The following PTPRD variants were observed in gnomAD, a reference collection of about 807,000 sequenced individuals.
PTPRD encodes the protein protein tyrosine phosphatase receptor type D.
PTPRD carries 34 observed loss-of-function variants against 214.5 expected under a neutral mutation model. The ratio of observed to expected loss-of-function variants is 0.16; its 90% CI spans 0.12 to 0.21. PTPRD has a LOEUF of 0.21. PTPRD is among the 10% of genes least tolerant of loss of function. The probability of loss-of-function intolerance (pLI) is 1.00; values close to 1 mark genes in which losing one functional copy is unlikely to be tolerated. For synonymous variants in PTPRD, 1,128 were observed against 845.7 expected (o/e 1.33, Z -5.79); for missense variants, 2,545 against 2,398.7 (o/e 1.06, Z -1.27).
Position 9,328,212 on chromosome 9 carries a change from G to A in PTPRD, c.-203+69237C>T, listed in dbSNP as rs953934197. ...ACTTATATTTAATATTCTATTTACC[G>A]GAGCTAATAGTAAACAGGGAGAATG... On this transcript the variant is annotated intron_variant, in intron 9 of 45. Coordinates refer to ENST00000381196, the MANE Select transcript of PTPRD (RefSeq NM_002839.4). Among the ~76,000 whole-genome samples the A allele has an allele frequency of 8.5e-5, 13 of 152,132 alleles. 1 individual carries two copies. The highest frequency in any genetic ancestry group is 3.9e-4 in the East Asian group (2 of 5,178).
intron 8 of PTPRD, among the ~76,000 whole-genome samples, chr9:9,436,034 A>G (rs760716000): frequency 1.1e-4 from 16 of 151,934 alleles, no homozygotes; most frequent in Non-Finnish European, 1.9e-4. Context: ...CCTCACCTCT[A>G]CTTCTGCTCT....
chr9:9,458,898 C>G (rs894396516), intron 8 of PTPRD, among the ~76,000 whole-genome samples: 3 of 152,040 alleles, frequency 2.0e-5, no homozygotes, highest in Admixed American at 6.6e-5. Context: ...TAAGATTGCA[C>G]CACCGCAATC....
chr9:10,097,806 T>A (rs918227600), intron 3 of PTPRD, among the ~76,000 whole-genome samples: 2 of 151,852 alleles, frequency 1.3e-5, no homozygotes, highest in African/African-American at 2.4e-5. Context: ...AGGGCATCCC[T>A]GTGTTGTGCC....
intron 10 of PTPRD, among the ~76,000 whole-genome samples, chr9:9,060,527 T>C (rs561680387): frequency 1.5e-4 from 23 of 152,124 alleles, no homozygotes; most frequent in Non-Finnish European, 3.1e-4. Flanking sequence ...TGTAGTAATA[T>C]GAACTTCTGT....
At chr9:10,028,796 ATC>A (rs1184993019) in intron 4 of PTPRD, among the ~76,000 whole-genome samples, 1 of 152,206 alleles carries the variant, frequency 6.6e-6, no homozygotes, top group Non-Finnish European at 1.5e-5. Context: ...ATAAAAGAAA[ATC>A]CCATTTTCGA....
chr9:8,821,790 G>C (rs1023440801), intron 11 of PTPRD, among the ~76,000 whole-genome samples: 2 of 152,112 alleles, frequency 1.3e-5, no homozygotes, highest in African/African-American at 4.8e-5. Flanking sequence ...TCAGCCTCCC[G>C]AGTAGCTGGG....
At chr9:8,648,744 G>A (rs1437928897) in intron 12 of PTPRD, among the ~76,000 whole-genome samples, 2 of 152,170 alleles carry the variant, frequency 1.3e-5, no homozygotes, top group Admixed American at 1.3e-4. Flanking sequence ...ATGCTTATCA[G>A]CTTTTTTCAT....
chr9:8,619,103 A>G (rs952917277), intron 14 of PTPRD, among the ~76,000 whole-genome samples: 1 of 151,686 alleles, frequency 6.6e-6, no homozygotes, highest in East Asian at 1.9e-4. Flanking sequence ...TATTTACCAC[A>G]TACAAAATGA....
chr9:8,437,518 C>T (rs1419800304), intron 34 of PTPRD, among the ~76,000 whole-genome samples: 1 of 152,162 alleles, frequency 6.6e-6, no homozygotes, highest in African/African-American at 2.4e-5. Flanking sequence ...CACAATCAGA[C>T]ACCAAACTGA....
At position 9,148,584 on chromosome 9, in the gene PTPRD, C is replaced by G. The variant is rs377731170; in HGVS notation, c.-143+34720G>C. Among the ~76,000 whole-genome samples, 248 of 152,124 alleles carry G rather than the reference C, an allele frequency of 1.6e-3. 1 individual carries two copies. The highest frequency in any genetic ancestry group is 5.8e-3 in the African/African-American group (239 of 41,490). On this transcript the variant is annotated intron_variant, in intron 10 of 45. Transcript: ENST00000381196. ...ATTGAAGATGAGACTGCTTGGTCCC[C>G]ATCAGAACCGAAACTGTGAGGACAG...
intron 5 of PTPRD, among the ~76,000 whole-genome samples, chr9:9,935,430 C>A (rs1479437630): frequency 6.6e-6 from 1 of 151,704 alleles, no homozygotes; most frequent in African/African-American, 2.4e-5. Flanking sequence ...TATACACCAA[C>A]AACAGACAAA....
intron 3 of PTPRD, among the ~76,000 whole-genome samples, chr9:10,154,854 G>C (rs1047611353): frequency 6.6e-6 from 1 of 152,022 alleles, no homozygotes; most frequent in Non-Finnish European, 1.5e-5. Flanking sequence ...CTGTAGCCCT[G>C]TAACATAATT....
In PTPRD at chr9:8,316,728, G is replaced by GTAGAT. The variant is rs886616099; in HGVS notation, c.*1141_*1145dup. On this transcript the variant is annotated 3_prime_UTR_variant, in exon 46 of 46. Coordinates refer to ENST00000381196, the MANE Select transcript of PTPRD (RefSeq NM_002839.4). Reference sequence around the variant, plus strand: ...GATGTGATTGATTGGTTAGGTGGGGGTAGATTAGGTAGGAAATCAGGGGGT... The same window carrying GTAGAT: ...GATGTGATTGATTGGTTAGGTGGGGGTAGATTAGATTAGGTAGGAAATCAGGGGGT... The GTAGAT allele has an allele frequency of 4.3e-6, 1 of 230,364 alleles. No individual in the cohort carries two copies. The highest frequency in any genetic ancestry group is 2.2e-5 in the African/African-American group (1 of 44,732). The allele number at this position is 230,364 out of a possible 1,614,324, so 14.3% of individuals were successfully genotyped here.
chr9:8,982,541 T>TAAA (rs542313216), intron 11 of PTPRD, among the ~76,000 whole-genome samples: 1 of 128,518 alleles, frequency 7.8e-6, no homozygotes, highest in East Asian at 2.3e-4. Context: ...GAATCTTACT[T>TAAA]AAAAAAAAAA....
At chr9:8,338,818 G>T (rs930301163) in intron 43 of PTPRD, 104 bp downstream of exon 43, 1 of 1,017,542 alleles carries the variant, frequency 9.8e-7, no homozygotes, top group South Asian at 2.8e-5. Flanking sequence ...TTCTCTTTGG[G>T]ACAACAGTCA....
At position 10,060,886 on chromosome 9, in the gene PTPRD, TTCCTTCCTTCC is replaced by T. The variant is rs1297255032; in HGVS notation, c.-544-27107_-544-27097del. 2.2e-4 allele frequency among the ~76,000 whole-genome samples: 19 copies of T among 84,604 alleles called. 2 individuals are homozygous for T. In the African/African-American group the frequency reaches 2.6e-3, roughly 12 times the overall value. 55.5% of individuals were successfully genotyped at this position (84,604 alleles called of 152,430 possible). On this transcript the variant is annotated intron_variant, in intron 3 of 45. Transcript: ENST00000381196. The stretch of plus-strand genomic sequence containing the variant: ...CTTCCTTCTTTCCTTCCTTCCTTCC[TTCCTTCCTTCC>T]TTCTTTCTTTCTTTCTTTCTTTCTT...
rs72696621 is a variant in PTPRD at position 8,545,981 on chromosome 9, C to T, written c.353-17202G>A. Reference sequence around the variant, plus strand: ...ATCAGGTGGCTAGCCTATCCAAGCACATAATATCACCAACCTCTTTAGTTT... The same window carrying T: ...ATCAGGTGGCTAGCCTATCCAAGCATATAATATCACCAACCTCTTTAGTTT... On this transcript the variant is annotated intron_variant, in intron 14 of 45. Transcript: ENST00000381196. Among the ~76,000 whole-genome samples the T allele has an allele frequency of 3.2e-3, 494 of 152,340 alleles. 1 individual carries two copies. Among genetic ancestry groups the T allele is most frequent in the Non-Finnish European group, 4.0e-3 (272 of 68,036 alleles).
intron 39 of PTPRD, 149 bp from the exon 40 acceptor site, chr9:8,342,127 G>T: frequency 1.3e-6 from 1 of 786,222 alleles, no homozygotes; most frequent in Non-Finnish European, 1.9e-6. Context: ...ATACTCTAAA[G>T]TCAAAAGTAT....
chr9:9,632,490 T>A (rs2095624620), intron 7 of PTPRD, among the ~76,000 whole-genome samples: 1 of 152,198 alleles, frequency 6.6e-6, no homozygotes. Context: ...GTAGTGGTGA[T>A]GATTGTACAA....
Sources: gnomAD v4.1 joint callset for allele counts (sites outside exome capture counted in the v4.1 genomes callset) on GRCh38, gnomAD v4.1.1 for gene constraint, MANE v1.5 for transcripts, NCBI Gene and HGNC (gene_info 2026-07-23, HGNC 2026-07-21) for gene names.